ERCC6L2: variants seen among roughly 807,000 people sequenced by gnomAD.
The protein encoded by ERCC6L2 is ERCC excision repair 6 like 2.
Under a neutral mutation model 132.0 loss-of-function variants are expected in ERCC6L2, and 77 were observed. That is an observed-to-expected ratio of 0.58 (90% CI 0.49 to 0.71). The LOEUF is 0.71. ERCC6L2 is among the 30% of genes least tolerant of loss of function. The probability of loss-of-function intolerance (pLI) is 0.00; values close to 1 mark genes in which losing one functional copy is unlikely to be tolerated. For synonymous variants in ERCC6L2, 583 were observed against 632.4 expected (o/e 0.92, Z 1.17); for missense variants, 1,542 against 1,837.6 (o/e 0.84, Z 2.94).
intron 8 of ERCC6L2, 125 bp downstream of exon 8, chr9:95,922,543 T>C: frequency 1.6e-6 from 1 of 624,160 alleles, no homozygotes; most frequent in Non-Finnish European, 2.8e-6. Flanking sequence ...TGCTTATTTT[T>C]AAATGTAGAT....
chr9:96,010,934 G>T (rs1834006986), intron 18 of ERCC6L2, among the ~76,000 whole-genome samples: 1 of 152,192 alleles, frequency 6.6e-6, no homozygotes, highest in Non-Finnish European at 1.5e-5. Context: ...AGGAACTATG[G>T]TGTAAAATAT....
chr9:95,938,038 A>AT (rs1466978554), intron 11 of ERCC6L2, among the ~76,000 whole-genome samples: 6 of 148,108 alleles, frequency 4.1e-5, no homozygotes, highest in Non-Finnish European at 7.5e-5. Context: ...TTCTCCTTGT[A>AT]TTTTTTTTCA....
chr9:95,987,179 A>G (rs1168176129), intron 17 of ERCC6L2, among the ~76,000 whole-genome samples: 1 of 152,164 alleles, frequency 6.6e-6, no homozygotes, highest in Non-Finnish European at 1.5e-5. Context: ...GCCAAACCAT[A>G]TCATTCTGCC....
chr9:96,034,749 G>A (rs1834500683), intron 19 of ERCC6L2, among the ~76,000 whole-genome samples: 1 of 151,880 alleles, frequency 6.6e-6, no homozygotes, highest in Admixed American at 6.5e-5. Context: ...TGCAGCTGGG[G>A]ACAGGGGCCC....
In ERCC6L2 at chr9:95,972,203, G is replaced by C. The variant is rs1409590258; in HGVS notation, c.2452G>C (p.Glu818Gln). The C allele has an allele frequency of 3.1e-6, 4 of 1,304,120 alleles. No individual in the cohort carries two copies. The highest frequency in any genetic ancestry group is 4.0e-6 in the Non-Finnish European group (4 of 988,946). The allele number at this position is 1,304,120 out of a possible 1,614,324, so 80.8% of individuals were successfully genotyped here. A position where few individuals can be genotyped will look rare whatever the true frequency, so the allele number is the denominator to read the frequency against. The change falls in exon 16 of 19, where the codon GAA (glutamate) becomes CAA (glutamine). Residue 818 changes from glutamate (E) to glutamine (Q), a missense_variant. Around this residue, in one of 4 missense-constraint regions of ERCC6L2, gnomAD observed 945 missense variants for 1,105.2 expected, o/e 0.86. Coordinates refer to ENST00000653738, the MANE Select transcript of ERCC6L2 (RefSeq NM_020207.7). ...TGATGGAAATACTGCCTCTGATGAT[G>C]AAAGTTCTGATGAGCAGCCCACATG... ...DSDGNTASDD[E>Q]SSDEQPTCLS...
intron 11 of ERCC6L2, among the ~76,000 whole-genome samples, chr9:95,933,845 CAAAAA>C (rs10609411): frequency 6.7e-5 from 8 of 119,480 alleles, no homozygotes; most frequent in Admixed American, 1.7e-4. Flanking sequence ...GACTCTGTCT[CAAAAA>C]AAAAAAAAAA....
At chr9:95,963,868 C>T in intron 13 of ERCC6L2, among the ~76,000 whole-genome samples, 1 of 152,270 alleles carries the variant, frequency 6.6e-6, no homozygotes, top group South Asian at 2.1e-4. Context: ...ATACTGTGCT[C>T]TTCTCGTTGC....
At position 95,897,915 on chromosome 9, in the gene ERCC6L2, C is replaced by A; in HGVS notation, c.538C>A (p.Pro180Thr). 6.2e-7 allele frequency: 1 copy of A among 1,612,114 alleles called. No individual in the cohort carries two copies. Among genetic ancestry groups the A allele is most frequent in the Non-Finnish European group, 8.5e-7 (1 of 1,179,034 alleles). Reference protein sequence around the residue: ...GTREDIENNMPEFLLRSMKKE... With the variant: ...GTREDIENNMTEFLLRSMKKE... ...TCGTGAGGATATTGAAAATAACATG[C>A]CAGAGTTTTTACTAAGAAGTATGAA... Residue 180 changes from proline to threonine, a missense_variant, in exon 3 of 19, where the codon CCA (proline) becomes ACA (threonine). Physicochemically the swap from Pro to Thr is conservative, Grantham distance 38. Transcript: ENST00000653738.
intron 11 of ERCC6L2, among the ~76,000 whole-genome samples, chr9:95,935,589 A>G (rs1265231815): frequency 6.6e-6 from 1 of 152,194 alleles, no homozygotes; most frequent in African/African-American, 2.4e-5. Flanking sequence ...GAGGAGAAAG[A>G]TTTAGTTCAG....
At chr9:95,912,159 G>T (rs1829371985) in intron 4 of ERCC6L2, among the ~76,000 whole-genome samples, 1 of 152,090 alleles carries the variant, frequency 6.6e-6, no homozygotes, top group East Asian at 1.9e-4. Flanking sequence ...ATATGAATTA[G>T]ATTGCTTCTT....
rs368518723 is a variant in ERCC6L2, at chr9:95,881,241, A to G, written c.419A>G (p.His140Arg). ...CGGTTTCTTTATGGACACTACATCCATGGAGGAGGGTGCATTCTGGGTGAT... is the reference window on the plus strand; with the variant it reads ...CGGTTTCTTTATGGACACTACATCCGTGGAGGAGGGTGCATTCTGGGTGAT... Reference protein sequence around the residue: ...GTRFLYGHYIHGGGCILGDDM... With the variant: ...GTRFLYGHYIRGGGCILGDDM... The change falls in exon 2 of 19, where the codon CAT (histidine) becomes CGT (arginine). Residue 140 changes from histidine (H) to arginine (R), a missense_variant. Physicochemically the swap from His to Arg is conservative, Grantham distance 29 (BLOSUM62 0). Coordinates refer to ENST00000653738, the MANE Select transcript of ERCC6L2 (RefSeq NM_020207.7). 8 of 1,588,956 alleles carry G rather than the reference A, an allele frequency of 5.0e-6. No individual in the cohort carries two copies. The highest frequency in any genetic ancestry group is 6.0e-6 in the Non-Finnish European group (7 of 1,173,530).
chr9:96,004,991 G>A, intron 18 of ERCC6L2: 1 of 306,988 alleles, frequency 3.3e-6, no homozygotes, highest in South Asian at 3.0e-5. Flanking sequence ...ATATGCCCAG[G>A]CATTGTGCTG....
chr9:95,997,475 T>C (rs1588038013), intron 17 of ERCC6L2, among the ~76,000 whole-genome samples: 1 of 152,388 alleles, frequency 6.6e-6, no homozygotes, highest in African/African-American at 2.4e-5. Context: ...TCTATCCTAG[T>C]GAAGATGCTG....
chr9:95,987,572 G>A (rs535361900), intron 17 of ERCC6L2, among the ~76,000 whole-genome samples: 13 of 152,268 alleles, frequency 8.5e-5, no homozygotes, highest in East Asian at 7.7e-4. Context: ...GGTTCCCATC[G>A]TCTTGAGCAG....
At chr9:95,949,130 A>G (rs1051323079) in intron 12 of ERCC6L2, among the ~76,000 whole-genome samples, 4 of 152,192 alleles carry the variant, frequency 2.6e-5, no homozygotes, top group Non-Finnish European at 5.9e-5. Flanking sequence ...GCAGACCAAA[A>G]TAGGGAGAAA....
chr9:95,938,419 C>G (rs1261714352), intron 11 of ERCC6L2, among the ~76,000 whole-genome samples: 1 of 152,084 alleles, frequency 6.6e-6, no homozygotes, highest in African/African-American at 2.4e-5. Context: ...GGAGTTCTAT[C>G]AGTTGCTGAA....
chr9:95,916,658 A>G (rs1432303647), intron 6 of ERCC6L2, among the ~76,000 whole-genome samples: 1 of 151,522 alleles, frequency 6.6e-6, no homozygotes, highest in African/African-American at 2.4e-5. Context: ...TTATTAGTAT[A>G]CATTAAACTC....
intron 13 of ERCC6L2, among the ~76,000 whole-genome samples, chr9:95,960,214 G>A (rs1831836924): frequency 6.6e-6 from 1 of 151,988 alleles, no homozygotes; most frequent in Non-Finnish European, 1.5e-5. Context: ...CTTTATTTCA[G>A]ATAAGCACTG....
intron 11 of ERCC6L2, among the ~76,000 whole-genome samples, chr9:95,934,358 A>G (rs1830468223): frequency 2.0e-5 from 3 of 152,036 alleles, no homozygotes; most frequent in East Asian, 1.9e-4. Flanking sequence ...CAAACATTAT[A>G]TACATTCAGT....
Sources: gnomAD v4.1 joint callset for allele counts (sites outside exome capture counted in the v4.1 genomes callset) on GRCh38, gnomAD v4.1.1 for gene constraint, gnomAD v4.1.1 regional missense constraint, MANE v1.5 for transcripts, NCBI Gene and HGNC (gene_info 2026-07-23, HGNC 2026-07-21) for gene names.